RNLS: variants seen among roughly 807,000 people sequenced by gnomAD.
RNLS encodes the protein renalase.
In RNLS, 39 loss-of-function variants were observed where a neutral mutation model predicts 39.8. The observed-to-expected ratio is 0.98, with a 90% CI of 0.76 to 1.28. RNLS has a LOEUF of 1.28. Among genes scored for constraint, RNLS ranks in the 50% most tolerant of loss-of-function variants. RNLS has a pLI of 0.00. For synonymous variants in RNLS, 147 were observed against 150.7 expected, an observed-to-expected ratio of 0.98 and a Z score of 0.18; for missense variants, 410 against 413.3, an observed-to-expected ratio of 0.99 and a Z score of 0.07.
chr10:88,377,636 C>T (rs929726365), intron 4 of RNLS, among the ~76,000 whole-genome samples: 5 of 152,110 alleles, frequency 3.3e-5, no homozygotes, highest in Non-Finnish European at 7.4e-5. Flanking sequence ...AGAAGATAAA[C>T]AATGGTACAT....
chr10:88,413,229 C>T (rs982628520), intron 4 of RNLS, among the ~76,000 whole-genome samples: 3 of 152,124 alleles, frequency 2.0e-5, no homozygotes, highest in African/African-American at 7.2e-5. Context: ...TTTTCTTATG[C>T]TCTGCTCTTC....
chr10:88,563,855 A>G (rs1418137508), intron 4 of RNLS, among the ~76,000 whole-genome samples: 1 of 152,208 alleles, frequency 6.6e-6, no homozygotes, highest in African/African-American at 2.4e-5. Flanking sequence ...CAAGTGCTAT[A>G]ATTTTTAAAT....
rs376430151 is a variant in RNLS at position 88,447,137 on chromosome 10, AAC to A, written c.527-84414_527-84413del. On this transcript the variant is annotated intron_variant, in intron 4 of 6. Transcript: ENST00000331772. Reference sequence around the variant, plus strand: ...ATGTCCTCTCTCACCATTCCTATTCAACACAGTGTTGGAAGTTCTGGCCAGGA... The same window carrying A: ...ATGTCCTCTCTCACCATTCCTATTCAACAGTGTTGGAAGTTCTGGCCAGGA... Among the ~76,000 whole-genome samples the A allele has an allele frequency of 2.6e-4, 39 of 152,324 alleles. No homozygotes were observed. In the East Asian group the frequency reaches 7.3e-3, roughly 29 times the overall value.
At chr10:88,199,049 G>A in the RNLS span, among the ~76,000 whole-genome samples, 2 of 152,142 alleles carry the variant, frequency 1.3e-5, no homozygotes, top group African/African-American at 4.8e-5. Context: ...CCTCGGAAAG[G>A]AGAAGGAGGA....
At chr10:88,310,800 C>CA (rs1845301140) in intron 6 of RNLS, among the ~76,000 whole-genome samples, 1 of 33,492 alleles carries the variant, frequency 3.0e-5, no homozygotes, top group African/African-American at 1.0e-4. Context: ...CCTACCTCTG[C>CA]CAAAAAAAAA....
chr10:88,505,336 TAAAAAGAGGG>T (rs113153937), intron 4 of RNLS, among the ~76,000 whole-genome samples: 2 of 141,174 alleles, frequency 1.4e-5, no homozygotes, highest in African/African-American at 5.2e-5. Context: ...CACTGGGAGG[TAAAAAGAGGG>T]AAAGGAGGAA....
At chr10:88,389,330 T>C (rs1852057889) in intron 4 of RNLS, among the ~76,000 whole-genome samples, 1 of 152,110 alleles carries the variant, frequency 6.6e-6, no homozygotes, top group Admixed American at 6.5e-5. Flanking sequence ...TTTTTTGTTA[T>C]TGTTGTTTTC....
At chr10:88,481,996 C>A (rs1844209555) in intron 4 of RNLS, among the ~76,000 whole-genome samples, 1 of 151,876 alleles carries the variant, frequency 6.6e-6, no homozygotes, top group Non-Finnish European at 1.5e-5. Context: ...CTTCCAGTAT[C>A]TTTCAAATGA....
At chr10:88,270,063 A>T (rs1842608272), downstream of RNLS, among the ~76,000 whole-genome samples, 1 of 152,134 alleles carries the variant, frequency 6.6e-6, no homozygotes, top group Non-Finnish European at 1.5e-5. Flanking sequence ...CATATTTCTG[A>T]CAAAGCCCTG....
intron 4 of RNLS, among the ~76,000 whole-genome samples, chr10:88,428,303 C>T (rs893234153): frequency 6.7e-6 from 1 of 150,372 alleles, no homozygotes; most frequent in African/African-American, 2.4e-5. Flanking sequence ...AAAGTGTCCC[C>T]CACCTCCTTC....
chr10:88,289,224 C>T (rs1249384164), intron 6 of RNLS, among the ~76,000 whole-genome samples: 2 of 152,218 alleles, frequency 1.3e-5, no homozygotes, highest in East Asian at 3.9e-4. Flanking sequence ...AAAATGCAAA[C>T]GCCAAAGCCC....
rs550986250 is a variant in RNLS, at chr10:88,442,843, A to C, written c.527-80118T>G. On this transcript the variant is annotated intron_variant, in intron 4 of 6. Transcript: ENST00000331772. ...AGCTCGTATCAGTACTTCCAGCTCC[A>C]ACACTTGGCTGAGCCACAGATCCTA... Among the ~76,000 whole-genome samples the C allele has an allele frequency of 1.8e-4, 28 of 152,234 alleles. 1 individual carries two copies. The highest frequency in any genetic ancestry group is 1.5e-3 in the South Asian group (7 of 4,820).
chr10:88,513,050 T>G (rs1222031244), intron 4 of RNLS, among the ~76,000 whole-genome samples: 2 of 152,216 alleles, frequency 1.3e-5, no homozygotes, highest in Admixed American at 1.3e-4. Context: ...TACCTCTGAA[T>G]GGACAGTGAA....
intron 6 of RNLS, among the ~76,000 whole-genome samples, chr10:88,307,870 C>T (rs142287711): frequency 0.045 from 6,814 of 151,960 alleles, 219 homozygotes; most frequent in Non-Finnish European, 0.061. Flanking sequence ...TGAATAGCCA[C>T]GGCAATCCTA....
At chr10:88,528,397 A>C (rs977405383) in intron 4 of RNLS, among the ~76,000 whole-genome samples, 2 of 152,170 alleles carry the variant, frequency 1.3e-5, no homozygotes, top group Admixed American at 6.5e-5. Flanking sequence ...AGGAAGCTGC[A>C]AAAGGATGTA....
intron 4 of RNLS, among the ~76,000 whole-genome samples, chr10:88,468,921 T>G (rs1843359086): frequency 6.6e-6 from 1 of 152,182 alleles, no homozygotes; most frequent in Non-Finnish European, 1.5e-5. Flanking sequence ...ACTAAATGCC[T>G]TTGAGTTGTT....
At position 88,310,824 on chromosome 10, in the gene RNLS, A is replaced by AAAAAAAAAAAAAAAAAAAAAAAAG. The variant is rs1217903555; in HGVS notation, c.876+3641_876+3642insCTTTTTTTTTTTTTTTTTTTTTTT. Among the ~76,000 whole-genome samples, 139 of 113,400 alleles carry AAAAAAAAAAAAAAAAAAAAAAAAG rather than the reference A, an allele frequency of 1.2e-3. 14 individuals carry two copies. The highest frequency in any genetic ancestry group is 2.5e-3 in the East Asian group (10 of 4,024). 74.4% of individuals were successfully genotyped at this position (113,400 alleles called of 152,430 possible). On this transcript the variant is annotated intron_variant, in intron 6 of 6. Transcript: ENST00000331772. ...GCCAAAAAAAAAAAAAAAAAAAAAA[A>AAAAAAAAAAAAAAAAAAAAAAAAG]AAAGAAAGAAAAGGAAGAGAAAAGG... is the stretch of plus-strand genomic sequence containing the variant.
At chr10:88,383,609 G>C (rs1288482312) in intron 4 of RNLS, among the ~76,000 whole-genome samples, 4 of 152,086 alleles carry the variant, frequency 2.6e-5, no homozygotes, top group Non-Finnish European at 5.9e-5. Context: ...AAGTGCAAAT[G>C]AAATTTCCTT....
intron 4 of RNLS, among the ~76,000 whole-genome samples, chr10:88,388,307 C>T (rs1219282405): frequency 6.6e-6 from 1 of 152,186 alleles, no homozygotes; most frequent in Non-Finnish European, 1.5e-5. Context: ...TGAGCCACTG[C>T]AATAACTTGC....
Sources: allele counts gnomAD v4.1 joint callset (sites outside exome capture counted in the v4.1 genomes callset), GRCh38; gene constraint gnomAD v4.1.1; transcripts MANE v1.5; gene names NCBI Gene and HGNC (gene_info 2026-07-23, HGNC 2026-07-21).